The following KCNQ1 variants were observed in gnomAD, a reference collection of about 807,000 sequenced individuals.
KCNQ1 encodes the protein potassium voltage-gated channel subfamily KQT member 1.
A neutral mutation model predicts 72.4 loss-of-function variants in KCNQ1; 49 were observed. The ratio of observed to expected loss-of-function variants is 0.68; its 90% confidence interval spans 0.54 to 0.86. The LOEUF (loss-of-function observed/expected upper bound fraction) is 0.86. Ranked by LOEUF, KCNQ1 falls within the 40% of genes least tolerant of loss-of-function variation. The pLI is 0.00. For missense variants in KCNQ1, 790 were observed against 945.1 expected (o/e 0.84, Z 2.15); for synonymous variants, 450 against 412.6 (o/e 1.09, Z -1.10).
In KCNQ1 at chr11:2,600,067, G is replaced by T. The variant is rs1376558511; in HGVS notation, c.1393+11213G>T. On this transcript the variant is annotated intron_variant, in intron 10 of 15. Coordinates refer to ENST00000155840, the MANE Select transcript of KCNQ1 (RefSeq NM_000218.3). This position sits in a 1 kb window ranked among gnomAD's most constrained non-coding sequence, Gnocchi z 5.6. The stretch of plus-strand genomic sequence containing the variant: ...CCGGCATTCCTGCCCACCAGTCCTG[G>T]CAGAGTGACTTATTGTCAGCCAAGT... 1.3e-5 allele frequency among the ~76,000 whole-genome samples: 2 copies of T among 152,046 alleles called. No homozygotes were observed. The highest frequency in any genetic ancestry group is 2.9e-5 in the Non-Finnish European group (2 of 68,032).
chr11:2,609,089 C>A, intron 10 of KCNQ1: 1 of 397,994 alleles, frequency 2.5e-6, no homozygotes, highest in Non-Finnish European at 4.4e-6. Context: ...GTTTGCTCTT[C>A]TTTTTCTAGT....
rs1345869283 is a variant in KCNQ1, at chr11:2,712,704, A to T, written c.1514+50623A>T. Among the ~76,000 whole-genome samples the T allele has an allele frequency of 1.3e-5, 2 of 152,214 alleles. No individual in the cohort carries two copies. The highest frequency in any genetic ancestry group is 2.9e-5 in the Non-Finnish European group (2 of 68,028). On this transcript the variant is annotated intron_variant, in intron 11 of 15. Coordinates refer to ENST00000155840, the MANE Select transcript of KCNQ1 (RefSeq NM_000218.3). This position sits in a 1 kb window ranked among gnomAD's most constrained non-coding sequence, Gnocchi z 6.4. ...TACAGGAGAGCCCTGTGGACACTCC[A>T]GCCTCAGCCTTCCTTGCCATCCGCA...
rs1032124281 is a variant in KCNQ1 at position 2,818,609 on chromosome 11, G to A, written c.1795-29158G>A. 3.3e-5 allele frequency among the ~76,000 whole-genome samples: 5 copies of A among 152,206 alleles called. No homozygotes were observed. Among genetic ancestry groups the A allele is most frequent in the Non-Finnish European group, 7.4e-5 (5 of 67,992 alleles). ...CACAGCTTGGAGGCTGGAAGCCCCC[G>A]GAATGCGGCCCACCCTGTCTCCAGT... On this transcript the variant is annotated intron_variant, in intron 15 of 15. Transcript: ENST00000155840. The surrounding 1 kb of genome is among the most constrained non-coding windows in gnomAD (Gnocchi z 7.2).
chr11:2,515,554 C>T lies in KCNQ1; in HGVS notation c.387-12374C>T, dbSNP rs1481641308. ...GGACAAGGCTGCTGGGACCAGGCCT[C>T]GCCCAGGCAGAGCCTCGCCATTTCT... On this transcript the variant is annotated intron_variant, in intron 1 of 15. Transcript: ENST00000155840. The surrounding 1 kb of genome is among the most constrained non-coding windows in gnomAD (Gnocchi z 4.7). 6.6e-6 allele frequency among the ~76,000 whole-genome samples: 1 copy of T among 152,152 alleles called. No homozygotes were observed. Among genetic ancestry groups the T allele is most frequent in the Non-Finnish European group, 1.5e-5 (1 of 68,020 alleles).
rs1384671691 is a variant in KCNQ1, at chr11:2,559,441, G to T, written c.478-11187G>T. ...GGGCAGGGGGAGGGCCAGCCCCTGT[G>T]GTTTTAGCCTCCTGAGAGTCTCCCC... On this transcript the variant is annotated intron_variant, in intron 2 of 15. Coordinates refer to ENST00000155840, the MANE Select transcript of KCNQ1 (RefSeq NM_000218.3). This position sits in a 1 kb window ranked among gnomAD's most constrained non-coding sequence, Gnocchi z 4.9. 6.6e-6 allele frequency among the ~76,000 whole-genome samples: 1 copy of T among 152,152 alleles called. No individual in the cohort carries two copies. The highest frequency in any genetic ancestry group is 1.9e-4 in the East Asian group (1 of 5,180).
intron 11 of KCNQ1, chr11:2,681,599 C>G (rs747145263): frequency 2.5e-6 from 1 of 398,378 alleles, no homozygotes; most frequent in Non-Finnish European, 4.4e-6. Context: ...CTTGCTTGCT[C>G]ACTCGCTCTC....
chr11:2,803,089 A>G lies in KCNQ1; in HGVS notation c.1794+25052A>G, dbSNP rs1223600945. 2.0e-5 allele frequency among the ~76,000 whole-genome samples: 3 copies of G among 152,162 alleles called. No individual in the cohort carries two copies. Among genetic ancestry groups the G allele is most frequent in the Non-Finnish European group, 4.4e-5 (3 of 68,024 alleles). Reference sequence around the variant, plus strand: ...GGGAGTGCCCATCAGCCGGAAGGCCACGGGAGTCAATGGTGAGGGGCAGAG... The same window carrying G: ...GGGAGTGCCCATCAGCCGGAAGGCCGCGGGAGTCAATGGTGAGGGGCAGAG... On this transcript the variant is annotated intron_variant, in intron 15 of 15. Transcript: ENST00000155840. The surrounding 1 kb of genome is among the most constrained non-coding windows in gnomAD (Gnocchi z 6.4).
At chr11:2,774,611 T>C (rs114274484) in intron 12 of KCNQ1, among the ~76,000 whole-genome samples, 4,268 of 152,298 alleles carry the variant, frequency 0.028, 221 homozygotes, top group African/African-American at 0.097. Flanking sequence ...TTGGGCGGGC[T>C]GTAAGAACTC....
In KCNQ1 at chr11:2,735,638, C is replaced by A. The variant is rs1207007527; in HGVS notation, c.1515-33206C>A. On this transcript the variant is annotated intron_variant, in intron 11 of 15. Transcript: ENST00000155840. The surrounding 1 kb of genome is among the most constrained non-coding windows in gnomAD (Gnocchi z 7.7). ...TGACATGAGTCCACTCCGCTGTCAC[C>A]ACCAAGACCACAGTGGGGCAGTTTA... Among the ~76,000 whole-genome samples, 1 of 152,118 alleles carries A rather than the reference C, an allele frequency of 6.6e-6. No homozygotes were observed. The highest frequency in any genetic ancestry group is 1.5e-5 in the Non-Finnish European group (1 of 68,020).
rs776630687 is a variant in KCNQ1 at position 2,550,335 on chromosome 11, C to T, written c.478-20293C>T. ...CACACTGCAGCATCTGCATCCTTGC[C>T]GTCACCCCTCACACCCCCTGCTAGG... On this transcript the variant is annotated intron_variant, in intron 2 of 15. Coordinates refer to ENST00000155840, the MANE Select transcript of KCNQ1 (RefSeq NM_000218.3). This position sits in a 1 kb window ranked among gnomAD's most constrained non-coding sequence, Gnocchi z 6.0. Among the ~76,000 whole-genome samples, 4 of 152,178 alleles carry T rather than the reference C, an allele frequency of 2.6e-5. No individual in the cohort carries two copies. The highest frequency in any genetic ancestry group is 6.5e-5 in the Admixed American group (1 of 15,292).
At chr11:2,570,897 C>A in intron 3 of KCNQ1, 143 bp downstream of exon 3, 1 of 1,152,278 alleles carries the variant, frequency 8.7e-7, no homozygotes, top group Non-Finnish European at 1.3e-6. Context: ...GGACCCAGCA[C>A]AGGAGCATTG....
In KCNQ1 at chr11:2,674,457, G is replaced by T; in HGVS notation, c.1514+12376G>T. Reference sequence around the variant, plus strand: ...GAGGCTGGGGGGAGGCACGTGGGGAGGAGGGCTGCCTGTCGAGATGTGTAA... The same window carrying T: ...GAGGCTGGGGGGAGGCACGTGGGGATGAGGGCTGCCTGTCGAGATGTGTAA... On this transcript the variant is annotated intron_variant, in intron 11 of 15. Coordinates refer to ENST00000155840, the MANE Select transcript of KCNQ1 (RefSeq NM_000218.3). This position sits in a 1 kb window ranked among gnomAD's most constrained non-coding sequence, Gnocchi z 5.9. The T allele has an allele frequency of 2.5e-6, 1 of 398,696 alleles. No homozygotes were observed. The highest frequency in any genetic ancestry group is 4.4e-6 in the Non-Finnish European group (1 of 226,124). 24.7% of individuals were successfully genotyped at this position (398,696 alleles called of 1,614,324 possible).
chr11:2,590,977 T>C (rs1848663356), intron 10 of KCNQ1, among the ~76,000 whole-genome samples: 1 of 152,246 alleles, frequency 6.6e-6, no homozygotes, highest in South Asian at 2.1e-4. Flanking sequence ...GCCATCCAAG[T>C]AATATGATCC....
At chr11:2,580,793 C>A (rs1008800798) in intron 6 of KCNQ1, among the ~76,000 whole-genome samples, 1 of 152,254 alleles carries the variant, frequency 6.6e-6, no homozygotes, top group Non-Finnish European at 1.5e-5. Flanking sequence ...TTCAGCCTGA[C>A]CTTGTCCTCC....
At position 2,611,451 on chromosome 11, in the gene KCNQ1, ATCTG is replaced by A. The variant is rs1284693415; in HGVS notation, c.1393+22602_1393+22605del. The A allele has an allele frequency of 5.0e-6, 2 of 397,758 alleles. No homozygotes were observed. Among genetic ancestry groups the A allele is most frequent in the Non-Finnish European group, 4.4e-6 (1 of 226,094 alleles). 24.6% of individuals were successfully genotyped at this position (397,758 alleles called of 1,614,324 possible). ...GGTCTTGAACTCCTGACCTCGAGTG[ATCTG>A]TCTGCCTCAGCCTCCCAAAATGCTG... On this transcript the variant is annotated intron_variant, in intron 10 of 15. Transcript: ENST00000155840. This position sits in a 1 kb window ranked among gnomAD's most constrained non-coding sequence, Gnocchi z 5.3.
rs1423182140 is a variant in KCNQ1, at chr11:2,657,046, G to A, written c.1394-4915G>A. 10 of 398,512 alleles carry A rather than the reference G, an allele frequency of 2.5e-5. No homozygotes were observed. In the South Asian group the frequency reaches 1.3e-3, roughly 51 times the overall value. The allele number at this position is 398,512 out of a possible 1,614,324, so 24.7% of individuals were successfully genotyped here. ...GCAAGCTTCCATATTTGTGTGGGCT[G>A]TTTCCCAATGCTCAATCCTGTCCCA... is the stretch of plus-strand genomic sequence containing the variant. On this transcript the variant is annotated intron_variant, in intron 10 of 15. Transcript: ENST00000155840. This position sits in a 1 kb window ranked among gnomAD's most constrained non-coding sequence, Gnocchi z 4.8.
chr11:2,822,761 CAG>C (rs1322631568), intron 15 of KCNQ1, among the ~76,000 whole-genome samples: 8 of 152,142 alleles, frequency 5.3e-5, no homozygotes, highest in Admixed American at 2.0e-4. Context: ...CAGCTCAGAA[CAG>C]GGGGAGCCCC....
In KCNQ1 at chr11:2,484,496, T is replaced by C. The variant is rs1417053398; in HGVS notation, c.386+39012T>C. Among the ~76,000 whole-genome samples, 2 of 152,230 alleles carry C rather than the reference T, an allele frequency of 1.3e-5. No individual in the cohort carries two copies. Among genetic ancestry groups the C allele is most frequent in the Non-Finnish European group, 2.9e-5 (2 of 68,038 alleles). Reference sequence around the variant, plus strand: ...TTTATTTTCATTGCTCAAATTGTGCTGGCTTTTGCCCCAGAAACAACCTTC... The same window carrying C: ...TTTATTTTCATTGCTCAAATTGTGCCGGCTTTTGCCCCAGAAACAACCTTC... On this transcript the variant is annotated intron_variant, in intron 1 of 15. Coordinates refer to ENST00000155840, the MANE Select transcript of KCNQ1 (RefSeq NM_000218.3). This position sits in a 1 kb window ranked among gnomAD's most constrained non-coding sequence, Gnocchi z 5.2.
chr11:2,572,169 G>C, intron 5 of KCNQ1, 60 bp downstream of exon 5: 1 of 1,314,452 alleles, frequency 7.6e-7, no homozygotes, highest in East Asian at 2.3e-5. Context: ...AGGGAGCAGA[G>C]CAGCCCACAC....
Sources: gnomAD v4.1 joint callset for allele counts (sites outside exome capture counted in the v4.1 genomes callset) on GRCh38, gnomAD v4.1.1 for gene constraint, Gnocchi (gnomAD v3.1) non-coding constraint, MANE v1.5 for transcripts, NCBI Gene and HGNC (gene_info 2026-07-23, HGNC 2026-07-21) for gene names.